Variants in AIF1L observed in about 807,000 individuals in gnomAD.
AIF1L encodes the protein allograft inflammatory factor 1 like.
A neutral mutation model predicts 20.7 loss-of-function variants in AIF1L; 12 were observed. The observed-to-expected ratio is 0.58, with a 90% CI of 0.37 to 0.94. The LOEUF is 0.94. AIF1L is among the 40% of genes least tolerant of loss of function. The pLI, the probability that AIF1L is intolerant of heterozygous loss-of-function variation, is 0.01. For synonymous variants in AIF1L, 76 were observed against 65.1 expected (o/e 1.17, Z -0.81); for missense variants, 173 against 185.3 (o/e 0.93, Z 0.39).
intron 2 of AIF1L, among the ~76,000 whole-genome samples, chr9:131,108,445 T>G (rs1033601829): frequency 2.6e-5 from 4 of 152,196 alleles, no homozygotes; most frequent in African/African-American, 9.6e-5. Context: ...AGGGATTTGC[T>G]CACCTCGGCC....
At chr9:131,111,469 C>A in intron 2 of AIF1L, 128 bp from the exon 3 acceptor site, 1 of 810,226 alleles carries the variant, frequency 1.2e-6, no homozygotes, top group Non-Finnish European at 2.0e-6. Context: ...CCGGGGTGAA[C>A]AAGGGACAAA....
chr9:131,108,607 T>C (rs1002216317), intron 2 of AIF1L, among the ~76,000 whole-genome samples: 1 of 152,232 alleles, frequency 6.6e-6, no homozygotes, highest in South Asian at 2.1e-4. Flanking sequence ...GATAGCACAG[T>C]GTCTGCTACA....
intron 5 of AIF1L, among the ~76,000 whole-genome samples, chr9:131,119,116 C>T (rs958361709): frequency 2.0e-5 from 3 of 152,270 alleles, no homozygotes; most frequent in African/African-American, 7.2e-5. Flanking sequence ...TGGCAAACAC[C>T]TACTACGTGG....
rs769071867 is a variant in AIF1L at position 131,121,444 on chromosome 9, CCTTT to C, written c.*1126_*1129del. On this transcript the variant is annotated 3_prime_UTR_variant, in exon 6 of 6. Transcript: ENST00000247291. ...GGAATTGAACTGGGGTCACCTGTGTCCTTTCTTATGGACTCGCAGGATTTTAGAA... is the reference window on the plus strand; with the variant it reads ...GGAATTGAACTGGGGTCACCTGTGTCCTTATGGACTCGCAGGATTTTAGAA... The C allele has an allele frequency of 1.9e-5, 5 of 267,830 alleles. No homozygotes were observed. Among genetic ancestry groups the C allele is most frequent in the Non-Finnish European group, 3.5e-5 (5 of 142,542 alleles). The allele number at this position is 267,830 out of a possible 1,614,324, so 16.6% of individuals were successfully genotyped here. A position where few individuals can be genotyped will look rare whatever the true frequency, so the allele number is the denominator to read the frequency against.
intron 2 of AIF1L, among the ~76,000 whole-genome samples, chr9:131,105,855 C>A (rs1293386617): frequency 7.1e-6 from 1 of 141,184 alleles, no homozygotes; most frequent in Non-Finnish European, 1.5e-5. Flanking sequence ...TTTTTAGAGA[C>A]AGGGTCTGGC....
chr9:131,107,071 G>A (rs758750973), intron 2 of AIF1L, among the ~76,000 whole-genome samples: 58 of 152,186 alleles, frequency 3.8e-4, no homozygotes, highest in Admixed American at 6.5e-4. Flanking sequence ...CCAGCCTGGC[G>A]ACAGAGTGAG....
In AIF1L at chr9:131,120,396, G is replaced by A; in HGVS notation, c.*74G>A. 2 of 1,201,406 alleles carry A rather than the reference G, an allele frequency of 1.7e-6. No individual in the cohort carries two copies. Among genetic ancestry groups the A allele is most frequent in the Non-Finnish European group, 1.2e-6 (1 of 846,640 alleles). The allele number at this position is 1,201,406 out of a possible 1,614,324, so 74.4% of individuals were successfully genotyped here. A position where few individuals can be genotyped will look rare whatever the true frequency, so the allele number is the denominator to read the frequency against. On this transcript the variant is annotated 3_prime_UTR_variant, in exon 6 of 6. Coordinates refer to ENST00000247291, the MANE Select transcript of AIF1L (RefSeq NM_031426.4). ...ATCTTGCTGCCCTTCTTGACACACT[G>A]TGATCTCTCTCTCTCTCATTTGTTT...
chr9:131,101,900 A>G (rs1166846203), intron 2 of AIF1L, among the ~76,000 whole-genome samples: 1 of 151,794 alleles, frequency 6.6e-6, no homozygotes, highest in African/African-American at 2.4e-5. Flanking sequence ...TAGGTACCTG[A>G]TGGTTTTTTG....
At chr9:131,098,216 C>T (rs917711098) in intron 2 of AIF1L, 1 of 152,322 alleles carries the variant, frequency 6.6e-6, no homozygotes, top group Non-Finnish European at 1.5e-5. Context: ...CATTCGGTCC[C>T]CAGCTACAGG....
chr9:131,112,641 C>T (rs1445796139), intron 3 of AIF1L, among the ~76,000 whole-genome samples: 1 of 152,116 alleles, frequency 6.6e-6, no homozygotes, highest in Non-Finnish European at 1.5e-5. Context: ...ACACATAGCT[C>T]GCCTAGGGCA....
At chr9:131,112,805 A>G (rs961472428) in intron 3 of AIF1L, among the ~76,000 whole-genome samples, 2 of 152,144 alleles carry the variant, frequency 1.3e-5, no homozygotes, top group Admixed American at 6.5e-5. Flanking sequence ...GAGCTGTGAA[A>G]AAGAGAGCAG....
At chr9:131,111,198 G>A (rs576533688) in intron 2 of AIF1L, among the ~76,000 whole-genome samples, 15 of 151,590 alleles carry the variant, frequency 9.9e-5, no homozygotes, top group Non-Finnish European at 1.8e-4. Context: ...AAAAGTGCAC[G>A]GAGGAATGAA....
Position 131,121,997 on chromosome 9 carries a change from A to C in AIF1L, c.*1675A>C, listed in dbSNP as rs1035900647. 1 of 152,246 alleles carries C rather than the reference A, an allele frequency of 6.6e-6. No homozygotes were observed. Among genetic ancestry groups the C allele is most frequent in the Non-Finnish European group, 1.5e-5 (1 of 68,054 alleles). The allele number at this position is 152,246 out of a possible 1,614,324, so 9.4% of individuals were successfully genotyped here. On this transcript the variant is annotated 3_prime_UTR_variant, in exon 6 of 6. Transcript: ENST00000247291. ...GTAGGCCAACAGTTAAGAATCCAAT[A>C]ATGAAATGGACAGATTCATGGAACT... is the stretch of plus-strand genomic sequence containing the variant.
At position 131,114,584 on chromosome 9, in the gene AIF1L, C is replaced by T; in HGVS notation, c.168C>T (p.Tyr56=). ...TTGCTCTGTGATTTCCAGAGAAGTA[C>T]ATGGAGTTTGACCTGAACAATGAAG... The part of the protein sequence containing the change: ...PEKLTAFKEK[Y]MEFDLNNEGE... The change falls in exon 4 of 6, where the codon TAC becomes TAT. Residue 56 remains tyrosine (Y), a synonymous_variant. Coordinates refer to ENST00000247291, the MANE Select transcript of AIF1L (RefSeq NM_031426.4). 6.2e-7 allele frequency: 1 copy of T among 1,614,122 alleles called. No homozygotes were observed. The highest frequency in any genetic ancestry group is 2.2e-5 in the East Asian group (1 of 44,884).
intron 2 of AIF1L, among the ~76,000 whole-genome samples, chr9:131,105,458 G>T (rs755680460): frequency 1.3e-5 from 2 of 152,120 alleles, no homozygotes; most frequent in African/African-American, 4.8e-5. Flanking sequence ...TGCACATTCC[G>T]GGTTCAGACA....
At chr9:131,101,200 G>A (rs1830633909) in intron 2 of AIF1L, among the ~76,000 whole-genome samples, 1 of 152,076 alleles carries the variant, frequency 6.6e-6, no homozygotes, top group South Asian at 2.1e-4. Context: ...CCGGCCAACA[G>A]GTGAGATCTT....
rs1482308508 is a variant in AIF1L, at chr9:131,121,036, C to T, written c.*714C>T. ...GCCCTACTGTCCCTTACTGGGGCAG[C>T]AGAGGGCTTCGGAGGCAGAAGTGAG... On this transcript the variant is annotated 3_prime_UTR_variant, in exon 6 of 6. Coordinates refer to ENST00000247291, the MANE Select transcript of AIF1L (RefSeq NM_031426.4). 5.8e-6 allele frequency: 4 copies of T among 694,378 alleles called. No homozygotes were observed. The highest frequency in any genetic ancestry group is 5.3e-5 in the African/African-American group (3 of 56,812). The allele number at this position is 694,378 out of a possible 1,614,324, so 43.0% of individuals were successfully genotyped here.
chr9:131,112,713 A>G lies in AIF1L; in HGVS notation c.160+1050A>G, dbSNP rs903923822. Among the ~76,000 whole-genome samples, 7 of 152,250 alleles carry G rather than the reference A, an allele frequency of 4.6e-5. No homozygotes were observed. In the South Asian group the frequency reaches 1.2e-3, roughly 27 times the overall value. ...AGCCCCTGCTCTCAACTGTTACGCT[A>G]TGATGCTTTTTACATGAAGAAGAGA... On this transcript the variant is annotated intron_variant, in intron 3 of 5. Coordinates refer to ENST00000247291, the MANE Select transcript of AIF1L (RefSeq NM_031426.4).
intron 4 of AIF1L, among the ~76,000 whole-genome samples, chr9:131,116,326 C>A (rs1831012316): frequency 6.6e-6 from 1 of 152,108 alleles, no homozygotes; most frequent in South Asian, 2.1e-4. Context: ...TGCAGTGGCA[C>A]AATCTTGGCT....
Sources: gnomAD v4.1 joint callset for allele counts (sites outside exome capture counted in the v4.1 genomes callset) on GRCh38, gnomAD v4.1.1 for gene constraint, MANE v1.5 for transcripts, NCBI Gene and HGNC (gene_info 2026-07-23, HGNC 2026-07-21) for gene names.